PCM1: variants seen among roughly 807,000 people sequenced by gnomAD.
PCM1 encodes pericentriolar material 1 protein.
A neutral mutation model predicts 241.9 loss-of-function variants in PCM1; 157 were observed. That is an observed-to-expected ratio of 0.65 (90% CI 0.57 to 0.74). The LOEUF is 0.74. Among genes scored for constraint, PCM1 ranks in the 30% least tolerant of loss-of-function variants. The pLI, the probability that PCM1 is intolerant of heterozygous loss-of-function variation, is 0.00. For synonymous variants in PCM1, 1,085 were observed against 784.9 expected, an observed-to-expected ratio of 1.38 and a Z score of -6.39; for missense variants, 3,478 against 2,360.1, an observed-to-expected ratio of 1.47 and a Z score of -9.81.
At position 18,026,165 on chromosome 8, in the gene PCM1, G is replaced by GAAAAAAAAAA. The variant is rs1588876179; in HGVS notation, c.6049+510_6049+511insAAAAAAAAAA. On this transcript the variant is annotated intron_variant, in intron 38 of 38. Transcript: ENST00000325083. Reference sequence around the variant, plus strand: ...GGTGAAAGAGCGAGACTCCCTCTCTGAAACAAAAAAAAAAAAAAAAAAAAA... The same window carrying GAAAAAAAAAA: ...GGTGAAAGAGCGAGACTCCCTCTCTGAAAAAAAAAAAAACAAAAAAAAAAAAAAAAAAAAA... Among the ~76,000 whole-genome samples the GAAAAAAAAAA allele has an allele frequency of 5.6e-4, 2 of 3,574 alleles. 1 individual carries two copies. The highest frequency in any genetic ancestry group is 0.015 in the East Asian group (2 of 136). The allele number at this position is 3,574 out of a possible 152,430, so 2.3% of individuals were successfully genotyped here. A position where few individuals can be genotyped will look rare whatever the true frequency, so the allele number is the denominator to read the frequency against.
At chr8:18,002,718 G>C (rs372525700) in intron 29 of PCM1, among the ~76,000 whole-genome samples, 1 of 109,630 alleles carries the variant, frequency 9.1e-6, no homozygotes. Flanking sequence ...CTATTTCTCC[G>C]CATCCTCTCC....
intron 14 of PCM1, 72 bp from the exon 15 acceptor site, chr8:17,960,243 T>C (rs2071054283): frequency 2.6e-6 from 4 of 1,546,832 alleles, no homozygotes; most frequent in Non-Finnish European, 3.5e-6. Flanking sequence ...AGCTAGGTAC[T>C]GTGTTATGTT....
chr8:18,001,749 G>A (rs1471099907), intron 29 of PCM1, among the ~76,000 whole-genome samples: 1 of 152,012 alleles, frequency 6.6e-6, no homozygotes, highest in East Asian at 1.9e-4. Flanking sequence ...CTTCCATTGT[G>A]CTCATATTTC....
chr8:18,001,227 A>G (rs1482826147), intron 29 of PCM1, among the ~76,000 whole-genome samples: 4 of 152,138 alleles, frequency 2.6e-5, no homozygotes, highest in African/African-American at 9.7e-5. Context: ...ACAATTTTCT[A>G]TTAATTATTT....
Position 17,937,275 on chromosome 8 carries a change from CCACAT to C in PCM1, c.239_243del (p.Pro80HisfsTer6). 1 of 1,610,556 alleles carries C rather than the reference CCACAT, an allele frequency of 6.2e-7. No homozygotes were observed. Among genetic ancestry groups the C allele is most frequent in the South Asian group, 1.1e-5 (1 of 90,618 alleles). ...AGTTGGAAGGCGAAGAACAAAGACT[CCACAT>C]ACGTTCCCACACAGTAGATACATGA... On this transcript the variant is annotated frameshift_variant, in exon 4 of 39. Coordinates refer to ENST00000325083, the MANE Select transcript of PCM1 (RefSeq NM_006197.4). LOFTEE classifies it high-confidence loss of function.
chr8:17,984,223 T>G (rs567706501), intron 24 of PCM1, among the ~76,000 whole-genome samples: 6 of 152,250 alleles, frequency 3.9e-5, no homozygotes, highest in Non-Finnish European at 7.4e-5. Flanking sequence ...TAAACAGTTA[T>G]AGCTTTGAAA....
chr8:18,012,019 C>G (rs1368650451), intron 34 of PCM1, among the ~76,000 whole-genome samples, 192 bp downstream of exon 34: 3 of 152,156 alleles, frequency 2.0e-5, no homozygotes, highest in Non-Finnish European at 4.4e-5. Context: ...GAGACAGGGT[C>G]TTGCTCAGTC....
At chr8:18,020,681 G>A (rs570231227) in intron 36 of PCM1, among the ~76,000 whole-genome samples, 1 of 152,306 alleles carries the variant, frequency 6.6e-6, no homozygotes, top group Admixed American at 6.5e-5. Flanking sequence ...TAACAACTCA[G>A]TATGAACTAA....
intron 38 of PCM1, 110 bp downstream of exon 38, chr8:18,025,768 C>T: frequency 1.6e-6 from 1 of 622,802 alleles, no homozygotes; most frequent in Admixed American, 3.4e-5. Flanking sequence ...AGATTTAAGC[C>T]AAATACTAGA....
intron 1 of PCM1, among the ~76,000 whole-genome samples, chr8:17,923,974 A>T (rs1011076468): frequency 2.7e-5 from 4 of 149,130 alleles, no homozygotes; most frequent in Non-Finnish European, 5.9e-5. Context: ...CTCCCCAGGA[A>T]CTCGCCTGGT....
In PCM1 at chr8:17,938,741, G is replaced by A; in HGVS notation, c.344G>A (p.Arg115Lys). ...QRINFSDLDQ[R>K]SIGSDSQGRA... ...ATTTGATTTCTTTTTCATATATAGA[G>A]AAGCATTGGAAGTGATTCCCAAGGT... is the stretch of plus-strand genomic sequence containing the variant. The change falls in exon 5 of 39, where the codon AGA (arginine) becomes AAA (lysine). Residue 115 changes from arginine to lysine, a missense_variant and splice_region_variant. By Grantham distance (26) the Arg-to-Lys change is conservative. Transcript: ENST00000325083. The A allele has an allele frequency of 6.2e-7, 1 of 1,606,460 alleles. No individual in the cohort carries two copies. Among genetic ancestry groups the A allele is most frequent in the Non-Finnish European group, 8.5e-7 (1 of 1,173,494 alleles).
In PCM1 at chr8:17,994,780, C is replaced by T. The variant is rs565073585; in HGVS notation, c.4827+1161C>T. 2.3e-4 allele frequency among the ~76,000 whole-genome samples: 33 copies of T among 146,548 alleles called. 1 individual carries two copies. The highest frequency in any genetic ancestry group is 8.0e-4 in the African/African-American group (29 of 36,300). Reference sequence around the variant, plus strand: ...TCGTTGTAGTTTTGATTGTCATTTCCGTGATCATGTTGAGCACCTTTTATG... The same window carrying T: ...TCGTTGTAGTTTTGATTGTCATTTCTGTGATCATGTTGAGCACCTTTTATG... On this transcript the variant is annotated intron_variant, in intron 29 of 38. Transcript: ENST00000325083.
intron 36 of PCM1, among the ~76,000 whole-genome samples, chr8:18,024,265 C>CT (rs1308122816): frequency 1.3e-5 from 2 of 152,104 alleles, no homozygotes; most frequent in African/African-American, 4.8e-5. Context: ...ACTCAGGAGG[C>CT]TGAGGCGGGA....
intron 26 of PCM1, among the ~76,000 whole-genome samples, chr8:17,988,266 A>G (rs1369839437): frequency 1.3e-5 from 2 of 151,904 alleles, no homozygotes; most frequent in African/African-American, 4.8e-5. Context: ...TCCTTTAATC[A>G]GGGACAAATG....
rs781347935 is a variant in PCM1 at position 18,006,399 on chromosome 8, T to TA, written c.4962+4dup. Reference sequence around the variant, plus strand: ...AAACAACTTGGAAGTATATTACAGGTAAGAGTTTATACTTGTATGATTTAC... The same window carrying TA: ...AAACAACTTGGAAGTATATTACAGGTAAAGAGTTTATACTTGTATGATTTAC... On this transcript the variant is annotated splice_region_variant and intron_variant, in intron 30 of 38. Coordinates refer to ENST00000325083, the MANE Select transcript of PCM1 (RefSeq NM_006197.4). 6.9e-6 allele frequency: 11 copies of TA among 1,597,640 alleles called. No individual in the cohort carries two copies. Among genetic ancestry groups the TA allele is most frequent in the Non-Finnish European group, 9.4e-6 (11 of 1,165,308 alleles).
At chr8:18,019,869 A>G (rs2093620096) in intron 36 of PCM1, among the ~76,000 whole-genome samples, 1 of 152,160 alleles carries the variant, frequency 6.6e-6, no homozygotes, top group Non-Finnish European at 1.5e-5. Context: ...ATAGGATGTG[A>G]TCTGACTGCA....
At chr8:17,996,325 G>C (rs1564263179) in intron 29 of PCM1, among the ~76,000 whole-genome samples, 1 of 152,122 alleles carries the variant, frequency 6.6e-6, no homozygotes. Flanking sequence ...CTGTTGATAT[G>C]ATGTATTACA....
At chr8:18,010,531 G>A (rs2092326276) in intron 31 of PCM1, 78 bp from the exon 32 acceptor site, 1 of 1,032,092 alleles carries the variant, frequency 9.7e-7, no homozygotes, top group South Asian at 1.4e-5. Flanking sequence ...CAGTACTTTG[G>A]GAGGCTGAGA....
At position 17,939,933 on chromosome 8, in the gene PCM1, G is replaced by C. The variant is rs1021008620; in HGVS notation, c.783+72G>C. On this transcript the variant is annotated intron_variant, in intron 6 of 38. Transcript: ENST00000325083. ...AGTGTGTATTTACTGATGACATTCT[G>C]ATGCCACCCCAGAGGAGTTAACATA... 54 of 1,115,934 alleles carry C rather than the reference G, an allele frequency of 4.8e-5. No individual in the cohort carries two copies. The African/African-American group carries it at 7.0e-4, about 14-fold the overall frequency. 69.1% of individuals were successfully genotyped at this position (1,115,934 alleles called of 1,614,324 possible). A position where few individuals can be genotyped will look rare whatever the true frequency, so the allele number is the denominator to read the frequency against.
Sources: gnomAD v4.1 joint callset for allele counts (sites outside exome capture counted in the v4.1 genomes callset) on GRCh38, gnomAD v4.1.1 for gene constraint, MANE v1.5 for transcripts, NCBI Gene and HGNC (gene_info 2026-07-23, HGNC 2026-07-21) for gene names.